ESRRB: variants seen among roughly 807,000 people sequenced by gnomAD.
The protein encoded by ESRRB is steroid hormone receptor ERR2.
ESRRB carries 16 observed loss-of-function variants against 46.0 expected under a neutral mutation model. The ratio of observed to expected loss-of-function variants is 0.35; its 90% CI spans 0.24 to 0.53. ESRRB has a LOEUF of 0.53. Among genes scored for constraint, ESRRB ranks in the 20% least tolerant of loss-of-function variants. The pLI, the probability that ESRRB is intolerant of heterozygous loss-of-function variation, is 0.93. For missense variants in ESRRB, 488 were observed against 607.4 expected (o/e 0.80, Z 2.07); for synonymous variants, 246 against 259.6 (o/e 0.95, Z 0.50).
At chr14:76,321,202 T>C (rs1421872480) in intron 1 of ESRRB, among the ~76,000 whole-genome samples, 2 of 152,228 alleles carry the variant, frequency 1.3e-5, no homozygotes, top group African/African-American at 2.4e-5. Flanking sequence ...TTTTATAAAA[T>C]GTATGAAGTG....
intron 2 of ESRRB, among the ~76,000 whole-genome samples, chr14:76,454,449 C>T (rs1326906249): frequency 1.3e-5 from 2 of 151,944 alleles, no homozygotes; most frequent in African/African-American, 2.4e-5. Flanking sequence ...GGGGTGGTGG[C>T]GAGAAACATG....
chr14:76,491,558 T>C lies in ESRRB; in HGVS notation c.962T>C (p.Val321Ala). ...TCGCTGCCCTATGACGACAAGCTGG[T>C]GTACGCTGAGGACTACATCATGGAT... ...YRSLPYDDKL[V>A]YAEDYIMDEE... Residue 321 changes from valine (V) to alanine (A), a missense_variant, in exon 6 of 7, where the codon GTG (valine) becomes GCG (alanine). Coordinates refer to ENST00000644823, the MANE Select transcript of ESRRB (RefSeq NM_001379180.1). 6.3e-7 allele frequency: 1 copy of C among 1,593,134 alleles called. No homozygotes were observed. Among genetic ancestry groups the C allele is most frequent in the Non-Finnish European group, 8.5e-7 (1 of 1,170,306 alleles).
At chr14:76,431,061 C>A (rs1040133674) in intron 1 of ESRRB, among the ~76,000 whole-genome samples, 1 of 152,118 alleles carries the variant, frequency 6.6e-6, no homozygotes, top group African/African-American at 2.4e-5. Flanking sequence ...TTTGGAAGGC[C>A]GAGGAGGGCA....
chr14:76,372,988 G>A (rs1159242578), upstream of ESRRB, among the ~76,000 whole-genome samples: 6 of 152,198 alleles, frequency 3.9e-5, no homozygotes, highest in Admixed American at 3.3e-4. Context: ...AATTTCCTTT[G>A]TCAAATCTGA....
chr14:76,442,816 C>CTTTTTTTTTT (rs1245748328), intron 2 of ESRRB, among the ~76,000 whole-genome samples: 25 of 131,082 alleles, frequency 1.9e-4, no homozygotes, highest in Non-Finnish European at 2.3e-4. Context: ...TCTTTTTTTT[C>CTTTTTTTTTT]TTTTTTTTTT....
intron 3 of ESRRB, among the ~76,000 whole-genome samples, chr14:76,464,394 A>G (rs1044429560): frequency 1.3e-5 from 2 of 152,194 alleles, no homozygotes; most frequent in African/African-American, 4.8e-5. Flanking sequence ...ATCATGTGCT[A>G]TAGAAATTGG....
At chr14:76,430,427 G>T (rs1340094164) in intron 1 of ESRRB, among the ~76,000 whole-genome samples, 2 of 152,104 alleles carry the variant, frequency 1.3e-5, no homozygotes, top group African/African-American at 4.8e-5. Flanking sequence ...TTCCCTCCTG[G>T]TCTATGGCAA....
intron 1 of ESRRB, among the ~76,000 whole-genome samples, chr14:76,408,140 G>T (rs1886269691): frequency 6.6e-6 from 1 of 152,182 alleles, no homozygotes; most frequent in African/African-American, 2.4e-5. Context: ...AAGTGCACAT[G>T]ACCAGGTTCA....
At chr14:76,326,474 T>C (rs1469334862) in intron 1 of ESRRB, among the ~76,000 whole-genome samples, 1 of 152,144 alleles carries the variant, frequency 6.6e-6, no homozygotes, top group Non-Finnish European at 1.5e-5. Flanking sequence ...AAGGGAACAA[T>C]AAAATCCAAT....
intron 1 of ESRRB, among the ~76,000 whole-genome samples, chr14:76,422,206 CTTTTTTTTT>C (rs552738537): frequency 5.3e-5 from 5 of 94,774 alleles, no homozygotes; most frequent in African/African-American, 2.6e-4. Context: ...ACATTTCCTT[CTTTTTTTTT>C]TTTTTTTTTT....
At chr14:76,489,480 C>CACACACACACACACA (rs1890138576) in intron 5 of ESRRB, among the ~76,000 whole-genome samples, 17 of 150,792 alleles carry the variant, frequency 1.1e-4, no homozygotes, top group South Asian at 2.1e-4. Context: ...CACACACACA[C>CACACACACACACACA]CCTGATCCCC....
intron 1 of ESRRB, among the ~76,000 whole-genome samples, chr14:76,336,430 G>T (rs547270695): frequency 1.3e-5 from 2 of 152,338 alleles, no homozygotes; most frequent in African/African-American, 4.8e-5. Flanking sequence ...GCAGCAGATG[G>T]CTGGTCTTGG....
At chr14:76,457,118 T>A (rs1888647498) in intron 2 of ESRRB, among the ~76,000 whole-genome samples, 1 of 152,110 alleles carries the variant, frequency 6.6e-6, no homozygotes, top group African/African-American at 2.4e-5. Context: ...GGGATTTCCT[T>A]CTCTCCGGGA....
At chr14:76,339,131 A>C (rs1250505351) in intron 1 of ESRRB, among the ~76,000 whole-genome samples, 1 of 152,126 alleles carries the variant, frequency 6.6e-6, no homozygotes, top group East Asian at 1.9e-4. Context: ...AGGGCCCTAA[A>C]AAATCTTTTA....
intron 2 of ESRRB, among the ~76,000 whole-genome samples, chr14:76,461,543 C>T (rs1362352655): frequency 6.6e-6 from 1 of 151,014 alleles, no homozygotes; most frequent in African/African-American, 2.5e-5. Context: ...GAGTCTCGGT[C>T]TGTCACCCAT....
At chr14:76,478,191 G>A (rs909147983) in intron 3 of ESRRB, among the ~76,000 whole-genome samples, 8 of 152,120 alleles carry the variant, frequency 5.3e-5, no homozygotes, top group South Asian at 2.1e-4. Context: ...ACTGTGAGCC[G>A]CCCCTGGCCT....
intron 6 of ESRRB, among the ~76,000 whole-genome samples, chr14:76,492,208 G>A (rs1043062940): frequency 6.6e-6 from 1 of 152,202 alleles, no homozygotes; most frequent in African/African-American, 2.4e-5. Context: ...CTGTCGCCCA[G>A]GTAGGAGTGC....
intron 1 of ESRRB, among the ~76,000 whole-genome samples, chr14:76,339,844 A>G (rs921833047): frequency 2.6e-5 from 4 of 152,114 alleles, no homozygotes; most frequent in Admixed American, 2.6e-4. Context: ...AAAAGGACAT[A>G]TTGATTGGTT....
At chr14:76,465,453 G>A (rs117571690) in intron 3 of ESRRB, among the ~76,000 whole-genome samples, 1,660 of 152,286 alleles carry the variant, frequency 0.011, 26 homozygotes, top group Middle Eastern at 0.017. Flanking sequence ...GAGGGAGGTG[G>A]TGAGGCCCAC....
Sources: allele counts gnomAD v4.1 joint callset (sites outside exome capture counted in the v4.1 genomes callset), GRCh38; gene constraint gnomAD v4.1.1; transcripts MANE v1.5; gene names NCBI Gene and HGNC (gene_info 2026-07-23, HGNC 2026-07-21).